ZNF532: variants seen among roughly 807,000 people sequenced by gnomAD.
The protein encoded by ZNF532 is zinc finger protein 532.
A neutral mutation model predicts 89.3 loss-of-function variants in ZNF532; 22 were observed. The observed-to-expected ratio is 0.25, with a 90% CI of 0.18 to 0.35. The LOEUF is 0.35. Ranked by LOEUF, ZNF532 falls within the 10% of genes least tolerant of loss-of-function variation. ZNF532 has a pLI of 1.00. For synonymous variants in ZNF532, 606 were observed against 649.6 expected (o/e 0.93, Z 1.02); for missense variants, 1,132 against 1,643.4 (o/e 0.69, Z 5.38).
At chr18:58,888,947 G>T (rs1365320873) in intron 2 of ZNF532, among the ~76,000 whole-genome samples, 1 of 111,574 alleles carries the variant, frequency 9.0e-6, no homozygotes, top group Non-Finnish European at 1.7e-5. Flanking sequence ...TATCCGTAAT[G>T]CTTGGGACCA....
intron 2 of ZNF532, among the ~76,000 whole-genome samples, chr18:58,867,785 T>G (rs1164058378): frequency 1.3e-5 from 2 of 152,212 alleles, no homozygotes; most frequent in Non-Finnish European, 1.5e-5. Flanking sequence ...CCTTTGCCTA[T>G]TCAATCATTT....
intron 2 of ZNF532, among the ~76,000 whole-genome samples, chr18:58,878,295 GGT>G (rs1168883576): frequency 6.6e-6 from 1 of 151,982 alleles, no homozygotes; most frequent in Non-Finnish European, 1.5e-5. Flanking sequence ...CCACTGGGCA[GGT>G]AGACCTTCAG....
chr18:58,942,349 CCCTTCCTTCCTTCCTTCCTTCCTTCCTT>C (rs1179053195), intron 5 of ZNF532, among the ~76,000 whole-genome samples: 3 of 43,172 alleles, frequency 6.9e-5, no homozygotes, highest in African/African-American at 1.1e-4. Flanking sequence ...CTCCCTCCCT[CCCTTCCTTCCTTCCTTCCTTCCTTCCTT>C]CCTTCCTTCC....
At chr18:58,940,868 A>G (rs1428867638) in intron 5 of ZNF532, among the ~76,000 whole-genome samples, 1 of 150,944 alleles carries the variant, frequency 6.6e-6, no homozygotes, top group Admixed American at 6.6e-5. Context: ...GTTTTTGCCC[A>G]TAACTCCATA....
At chr18:58,895,900 T>C (rs1483222746) in intron 2 of ZNF532, among the ~76,000 whole-genome samples, 2 of 151,762 alleles carry the variant, frequency 1.3e-5, no homozygotes, top group African/African-American at 2.4e-5. Context: ...GACGAGGCTG[T>C]ACTGCAGTGG....
chr18:58,892,982 CTTTTTT>C (rs58108717), intron 2 of ZNF532, among the ~76,000 whole-genome samples: 8 of 135,284 alleles, frequency 5.9e-5, no homozygotes, highest in African/African-American at 8.3e-5. Flanking sequence ...TTTGTACTTT[CTTTTTT>C]TTTTTTTTTT....
At chr18:58,941,984 C>CTCCTTCCCTCCTTCCCTCCTTCCCT (rs1555739612) in intron 5 of ZNF532, among the ~76,000 whole-genome samples, 5 of 135,212 alleles carry the variant, frequency 3.7e-5, no homozygotes, top group Non-Finnish European at 6.4e-5. Flanking sequence ...CCCTCCTTCC[C>CTCCTTCCCTCCTTCCCTCCTTCCCT]TCCTTCCCTT....
At chr18:58,905,583 A>G (rs2059886113) in intron 2 of ZNF532, among the ~76,000 whole-genome samples, 1 of 152,008 alleles carries the variant, frequency 6.6e-6, no homozygotes, top group South Asian at 2.1e-4. Flanking sequence ...TATTTTTTGT[A>G]GAGATGGAGT....
Position 58,936,733 on chromosome 18 carries a change from T to A in ZNF532, c.2528+2119T>A, listed in dbSNP as rs191297702. Reference sequence around the variant, plus strand: ...GTGAAGTTTAGTTCATGTTGACTGCTCCTTTAGAAGAGAGGAGCAATTTTA... The same window carrying A: ...GTGAAGTTTAGTTCATGTTGACTGCACCTTTAGAAGAGAGGAGCAATTTTA... On this transcript the variant is annotated intron_variant, in intron 4 of 9. Transcript: ENST00000591808. Among the ~76,000 whole-genome samples, 250 of 152,366 alleles carry A rather than the reference T, an allele frequency of 1.6e-3. 1 individual carries two copies. The highest frequency in any genetic ancestry group is 5.7e-3 in the African/African-American group (235 of 41,580).
chr18:58,880,900 C>G lies in ZNF532; in HGVS notation c.-18+15321C>G, dbSNP rs138809860. ...ACATAGTTTAGCACTTGATGTAATA[C>G]TGTGATTAGGCTTTACTGCTTTTGA... On this transcript the variant is annotated intron_variant, in intron 2 of 9. Coordinates refer to ENST00000591808, the MANE Select transcript of ZNF532 (RefSeq NM_001375912.1). Among the ~76,000 whole-genome samples, 1,115 of 152,150 alleles carry G rather than the reference C, an allele frequency of 7.3e-3. 8 individuals carry two copies. The highest frequency in any genetic ancestry group is 0.025 in the African/African-American group (1,044 of 41,492).
rs1439402785 is a variant in ZNF532, at chr18:58,934,479, A to C, written c.2393A>C (p.Tyr798Ser). 6.2e-7 allele frequency: 1 copy of C among 1,614,120 alleles called. No individual in the cohort carries two copies. Among genetic ancestry groups the C allele is most frequent in the Non-Finnish European group, 8.5e-7 (1 of 1,179,984 alleles). The stretch of plus-strand genomic sequence containing the variant: ...ATGCTGCTTCCTAACCAGTGCAGTT[A>C]TGCATCACACCAGAGAATCCATCAG... ...CQMLLPNQCSYASHQRIHQHK... is the reference protein window; with the variant it reads ...CQMLLPNQCSSASHQRIHQHK... The change falls in exon 4 of 10, where the codon TAT (tyrosine) becomes TCT (serine). Residue 798 changes from tyrosine to serine, a missense_variant. Tyr to Ser is a moderately radical substitution (Grantham distance 144). Coordinates refer to ENST00000591808, the MANE Select transcript of ZNF532 (RefSeq NM_001375912.1).
At chr18:58,888,828 TTATA>T (rs1346597469) in intron 2 of ZNF532, among the ~76,000 whole-genome samples, 2 of 45,708 alleles carry the variant, frequency 4.4e-5, no homozygotes, top group Non-Finnish European at 6.4e-5. Flanking sequence ...TATATATAAA[TTATA>T]TATATAATTT....
At chr18:58,888,803 ATATATAAAAAAT>A (rs1178228621) in intron 2 of ZNF532, among the ~76,000 whole-genome samples, 2,010 of 59,748 alleles carry the variant, frequency 0.034, 153 homozygotes, top group African/African-American at 0.098. Context: ...TATAATTTAT[ATATATAAAAAAT>A]TATATATATA....
At chr18:58,935,656 A>G (rs891366756) in intron 4 of ZNF532, among the ~76,000 whole-genome samples, 61 of 151,132 alleles carry the variant, frequency 4.0e-4, no homozygotes, top group Non-Finnish European at 2.9e-5. Context: ...GATTATATAT[A>G]TGAACTTTTC....
intron 5 of ZNF532, 168 bp downstream of exon 5, chr18:58,939,789 G>T: frequency 3.8e-6 from 2 of 523,098 alleles, no homozygotes; most frequent in South Asian, 5.2e-5. Context: ...AAATCTTTCT[G>T]TTCTTTCCAG....
intron 3 of ZNF532, among the ~76,000 whole-genome samples, chr18:58,921,827 T>G (rs551473398): frequency 6.6e-6 from 1 of 152,322 alleles, no homozygotes; most frequent in African/African-American, 2.4e-5. Context: ...GAAATTTCAC[T>G]GGGCACAGTG....
At chr18:58,915,780 C>T (rs945454278) in intron 2 of ZNF532, among the ~76,000 whole-genome samples, 13 of 152,202 alleles carry the variant, frequency 8.5e-5, no homozygotes, top group African/African-American at 3.1e-4. Flanking sequence ...GACCTTTCCT[C>T]ATTCATGTGG....
intron 2 of ZNF532, among the ~76,000 whole-genome samples, chr18:58,911,767 C>T (rs1023317931): frequency 7.9e-5 from 12 of 152,308 alleles, no homozygotes; most frequent in Admixed American, 2.0e-4. Flanking sequence ...TGCTAAATGA[C>T]GCTGAGGACC....
In ZNF532 at chr18:58,918,642, G is replaced by A; in HGVS notation, c.355G>A (p.Val119Met). The A allele has an allele frequency of 6.2e-7, 1 of 1,614,196 alleles. No individual in the cohort carries two copies. Among genetic ancestry groups the A allele is most frequent in the Non-Finnish European group, 8.5e-7 (1 of 1,180,040 alleles). The change falls in exon 3 of 10, where the codon GTG becomes ATG. Residue 119 changes from valine (V) to methionine (M), a missense_variant. Transcript: ENST00000591808. ...GAAAGGAGATGTGCCTGCCTCTGAG[G>A]TGACACTGAAAGACTCGACATTCAG... is the stretch of plus-strand genomic sequence containing the variant. ...SLKGDVPASE[V>M]TLKDSTFSQF... is the part of the protein sequence containing the mutation.
Sources: gnomAD v4.1 joint callset for allele counts (sites outside exome capture counted in the v4.1 genomes callset) on GRCh38, gnomAD v4.1.1 for gene constraint, MANE v1.5 for transcripts, NCBI Gene and HGNC (gene_info 2026-07-23, HGNC 2026-07-21) for gene names.